TRIM5: variants seen among roughly 807,000 people sequenced by gnomAD.
TRIM5 encodes the protein tripartite motif containing 5, also known as tripartite motif-containing protein 5.
A neutral mutation model predicts 35.6 loss-of-function variants in TRIM5; 31 were observed. That is an observed-to-expected ratio of 0.87 (90% CI 0.65 to 1.18). The LOEUF (loss-of-function observed/expected upper bound fraction) is 1.18. Among genes scored for constraint, TRIM5 ranks in the 50% most tolerant of loss-of-function variants. The pLI is 0.00. For synonymous variants in TRIM5, 243 were observed against 215.6 expected (o/e 1.13, Z -1.11); for missense variants, 609 against 591.6 (o/e 1.03, Z -0.31).
the TRIM5 span, among the ~76,000 whole-genome samples, chr11:5,616,359 C>G: frequency 6.9e-6 from 1 of 145,708 alleles, no homozygotes; most frequent in Non-Finnish European, 1.5e-5. Context: ...TGTAGTTGCT[C>G]TAGGTAAATA....
chr11:5,671,453 G>A (rs1851585371), intron 4 of TRIM5, among the ~76,000 whole-genome samples: 1 of 151,824 alleles, frequency 6.6e-6, no homozygotes, highest in South Asian at 2.1e-4. Context: ...AAGAATTGAA[G>A]TATAAAAACA....
chr11:5,651,607 G>C, the TRIM5 span, among the ~76,000 whole-genome samples: 1 of 151,920 alleles, frequency 6.6e-6, no homozygotes, highest in African/African-American at 2.4e-5. Flanking sequence ...TGAATGTACA[G>C]GTGCATGTGT....
At chr11:5,651,073 C>G in the TRIM5 span, among the ~76,000 whole-genome samples, 3 of 152,132 alleles carry the variant, frequency 2.0e-5, no homozygotes, top group Non-Finnish European at 2.9e-5. Flanking sequence ...GGAGTGACAC[C>G]TCAAAATGAG....
the TRIM5 span, chr11:5,596,296 G>A: frequency 6.5e-6 from 1 of 154,464 alleles, no homozygotes; most frequent in Non-Finnish European, 1.4e-5. Flanking sequence ...AAGAATGAGG[G>A]AGACTTCTGC....
At chr11:5,658,485 C>A (rs1383783195), downstream of TRIM5, among the ~76,000 whole-genome samples, 3 of 152,168 alleles carry the variant, frequency 2.0e-5, no homozygotes, top group African/African-American at 7.2e-5. Context: ...TCTGTCCTTG[C>A]AATAAGGCAG....
chr11:5,592,914 C>CAA, the TRIM5 span, among the ~76,000 whole-genome samples: 635 of 67,006 alleles, frequency 9.5e-3, 12 homozygotes, highest in African/African-American at 0.036. Flanking sequence ...GAGATTGTCT[C>CAA]AAAAAAAAAA....
chr11:5,665,865 A>T, intron 6 of TRIM5, 116 bp downstream of exon 6: 1 of 1,301,662 alleles, frequency 7.7e-7, no homozygotes, highest in South Asian at 1.6e-5. Context: ...GCAGCAGACA[A>T]TATCTATCCT....
At chr11:5,636,475 C>G in the TRIM5 span, among the ~76,000 whole-genome samples, 1 of 152,090 alleles carries the variant, frequency 6.6e-6, no homozygotes. Context: ...TATTTTAAAG[C>G]CTGTTAAATT....
the TRIM5 span, among the ~76,000 whole-genome samples, chr11:5,591,704 T>A: frequency 4.6e-5 from 7 of 152,170 alleles, no homozygotes; most frequent in South Asian, 1.5e-3. Flanking sequence ...AATGAGGTGA[T>A]GCTGGGAGAC....
At chr11:5,665,789 A>G in intron 6 of TRIM5, 107 bp from the exon 7 acceptor site, 3 of 1,446,704 alleles carry the variant, frequency 2.1e-6, no homozygotes, top group Non-Finnish European at 2.7e-6. Context: ...ATGGTAGGGC[A>G]GTAAATTGCT....
the TRIM5 span, among the ~76,000 whole-genome samples, chr11:5,602,485 A>T: frequency 3.3e-5 from 5 of 151,848 alleles, no homozygotes; most frequent in Admixed American, 6.6e-5. Context: ...GCTGTGCTCT[A>T]AATAGACTAG....
At chr11:5,634,530 C>CACACACATATATATATATATATAT in the TRIM5 span, 1 of 203,886 alleles carries the variant, frequency 4.9e-6, no homozygotes, top group African/African-American at 3.4e-5. Context: ...CACACACACA[C>CACACACATATATATATATATATAT]ATATATATAT....
the TRIM5 span, among the ~76,000 whole-genome samples, chr11:5,637,210 C>G: frequency 2.6e-5 from 4 of 152,240 alleles, no homozygotes; most frequent in East Asian, 7.7e-4. Context: ...TGTGGTATGT[C>G]TCCTCCACAA....
At chr11:5,640,494 C>A in the TRIM5 span, among the ~76,000 whole-genome samples, 1 of 140,184 alleles carries the variant, frequency 7.1e-6, no homozygotes. Flanking sequence ...TTCTACTTGG[C>A]CATCAGGTAT....
the TRIM5 span, among the ~76,000 whole-genome samples, chr11:5,592,781 G>T: frequency 6.6e-6 from 1 of 151,694 alleles, no homozygotes; most frequent in Non-Finnish European, 1.5e-5. Flanking sequence ...ACCCGGCACG[G>T]TGGTGTATGC....
the TRIM5 span, among the ~76,000 whole-genome samples, chr11:5,639,661 CAG>C: frequency 1.9e-5 from 2 of 106,592 alleles, no homozygotes; most frequent in African/African-American, 7.4e-5. Flanking sequence ...GCCTGGGTGA[CAG>C]AGTGAGACTC....
chr11:5,680,004 G>T lies in TRIM5; in HGVS notation c.174C>A (p.Cys58Ter). ...TGTTCTCAGGCTGGTAACTGATCCG[G>T]CACACAGGGCAGCTACTCTCTCCTT... ...LDKGESSCPVCRISYQPENIR... is the reference protein window; with the variant it reads ...LDKGESSCPV Residue 58 changes from cysteine (C) to a stop codon, truncating the protein, a stop_gained, in exon 2 of 8, where the codon TGC (cysteine) becomes TGA (stop). Coordinates refer to ENST00000380034, the MANE Select transcript of TRIM5 (RefSeq NM_033034.3). LOFTEE classifies it high-confidence loss of function. 6.2e-7 allele frequency: 1 copy of T among 1,614,050 alleles called. No individual in the cohort carries two copies. The highest frequency in any genetic ancestry group is 1.7e-5 in the Admixed American group (1 of 60,006).
At chr11:5,651,061 C>T in the TRIM5 span, among the ~76,000 whole-genome samples, 1 of 152,152 alleles carries the variant, frequency 6.6e-6, no homozygotes, top group Non-Finnish European at 1.5e-5. Flanking sequence ...AGTAAATGGA[C>T]TGGAGTGACA....
At chr11:5,675,187 C>A (rs1299982989) in intron 4 of TRIM5, among the ~76,000 whole-genome samples, 1 of 148,380 alleles carries the variant, frequency 6.7e-6, no homozygotes, top group East Asian at 2.1e-4. Flanking sequence ...CGCCACCACG[C>A]CTGGCTAATT....
Sources: allele counts gnomAD v4.1 joint callset (sites outside exome capture counted in the v4.1 genomes callset), GRCh38; gene constraint gnomAD v4.1.1; transcripts MANE v1.5; gene names NCBI Gene and HGNC (gene_info 2026-07-23, HGNC 2026-07-21).